TNIK: variants seen among roughly 807,000 people sequenced by gnomAD.
TNIK encodes the protein TRAF2 and NCK interacting kinase.
A neutral mutation model predicts 191.3 loss-of-function variants in TNIK; 49 were observed. The observed-to-expected ratio is 0.26, with a 90% CI of 0.20 to 0.32. The LOEUF (loss-of-function observed/expected upper bound fraction) is 0.32. Among genes scored for constraint, TNIK ranks in the 10% least tolerant of loss-of-function variants. The probability of loss-of-function intolerance (pLI) is 1.00; values close to 1 mark genes in which losing one functional copy is unlikely to be tolerated. For missense variants in TNIK, 1,155 were observed against 1,702.3 expected (o/e 0.68, Z 5.66); for synonymous variants, 594 against 600.9 (o/e 0.99, Z 0.17).
chr3:171,218,519 TG>T (rs1397913285), intron 3 of TNIK, among the ~76,000 whole-genome samples: 2 of 151,234 alleles, frequency 1.3e-5, no homozygotes, highest in African/African-American at 4.9e-5. Context: ...CCACAGGAAT[TG>T]GAATGAGTTT....
chr3:171,079,714 C>A, intron 27 of TNIK, 62 bp from the exon 28 acceptor site: 1 of 1,514,566 alleles, frequency 6.6e-7, no homozygotes, highest in Non-Finnish European at 8.8e-7. Flanking sequence ...TTTCCTTCCC[C>A]ACCTCCATTT....
intron 2 of TNIK, among the ~76,000 whole-genome samples, chr3:171,356,613 C>T (rs1577611582): frequency 2.0e-5 from 3 of 152,274 alleles, no homozygotes; most frequent in Middle Eastern, 3.4e-3. Flanking sequence ...CAGGGCAAAA[C>T]CAATCTTTGC....
intron 2 of TNIK, among the ~76,000 whole-genome samples, chr3:171,343,563 A>G (rs1275815168): frequency 6.6e-6 from 1 of 152,150 alleles, no homozygotes; most frequent in East Asian, 1.9e-4. Context: ...CCTGCTTGCA[A>G]TTCTTTGAAA....
chr3:171,095,305 C>T (rs1459178448), intron 22 of TNIK, among the ~76,000 whole-genome samples: 3 of 152,284 alleles, frequency 2.0e-5, no homozygotes, highest in Non-Finnish European at 2.9e-5. Flanking sequence ...ATTTGCATGA[C>T]ACAGAATTTC....
intron 23 of TNIK, among the ~76,000 whole-genome samples, chr3:171,087,746 A>C (rs1030994616): frequency 2.0e-5 from 3 of 152,252 alleles, no homozygotes; most frequent in Non-Finnish European, 4.4e-5. Flanking sequence ...GACAGTGGTC[A>C]CATATGGCAT....
At position 171,417,468 on chromosome 3, in the gene TNIK, T is replaced by C. The variant is rs566014195; in HGVS notation, c.57+42539A>G. Among the ~76,000 whole-genome samples, 6 of 152,334 alleles carry C rather than the reference T, an allele frequency of 3.9e-5. No individual in the cohort carries two copies. In the South Asian group the frequency reaches 1.0e-3, roughly 26 times the overall value. Reference sequence around the variant, plus strand: ...TAACCCTCTTCAATGAGAACTTTTATAGTTACTTATTTCTTTAGAACTTAT... The same window carrying C: ...TAACCCTCTTCAATGAGAACTTTTACAGTTACTTATTTCTTTAGAACTTAT... On this transcript the variant is annotated intron_variant, in intron 1 of 32. Transcript: ENST00000436636.
At chr3:171,377,193 GCTGGCTA>G (rs1389689853) in intron 1 of TNIK, among the ~76,000 whole-genome samples, 1 of 152,170 alleles carries the variant, frequency 6.6e-6, no homozygotes, top group Non-Finnish European at 1.5e-5. Flanking sequence ...TCAATGATCA[GCTGGCTA>G]CTGGCAGAAC....
chr3:171,392,778 C>CAAAAAAAA (rs60306915), intron 1 of TNIK, among the ~76,000 whole-genome samples: 3 of 95,228 alleles, frequency 3.2e-5, no homozygotes, highest in Non-Finnish European at 6.1e-5. Context: ...GATTCTGTCT[C>CAAAAAAAA]AAAAAAAAAA....
intron 1 of TNIK, among the ~76,000 whole-genome samples, chr3:171,381,074 C>G (rs528824068): frequency 2.6e-5 from 4 of 151,372 alleles, no homozygotes; most frequent in African/African-American, 4.9e-5. Context: ...TTTTTTCAAG[C>G]TTTTATATCT....
intron 1 of TNIK, among the ~76,000 whole-genome samples, chr3:171,401,095 GA>G (rs1221122372): frequency 6.6e-5 from 10 of 152,168 alleles, no homozygotes; most frequent in Non-Finnish European, 1.3e-4. Flanking sequence ...GGAATAATGA[GA>G]GCAGATCTAG....
chr3:171,325,541 T>C (rs1042092575), intron 2 of TNIK, among the ~76,000 whole-genome samples: 3 of 152,168 alleles, frequency 2.0e-5, no homozygotes. Context: ...ATTCAAATGT[T>C]CATTCTTAAT....
chr3:171,107,079 C>T, intron 21 of TNIK, 104 bp downstream of exon 21: 1 of 1,225,696 alleles, frequency 8.2e-7, no homozygotes, highest in South Asian at 1.5e-5. Flanking sequence ...AAATCTCCTC[C>T]CAGCTGATTG....
chr3:171,435,468 A>G (rs1238521881), intron 1 of TNIK, among the ~76,000 whole-genome samples: 1 of 152,240 alleles, frequency 6.6e-6, no homozygotes, highest in Non-Finnish European at 1.5e-5. Flanking sequence ...TGCACCACAG[A>G]GAGTCTCTGG....
chr3:171,264,085 CACACACACACACACACACACACACACAT>C (rs1394113681), intron 2 of TNIK, among the ~76,000 whole-genome samples: 3 of 94,748 alleles, frequency 3.2e-5, no homozygotes, highest in Non-Finnish European at 6.6e-5. Context: ...CACACACACA[CACACACACACACACACACACACACACAT>C]ATATATATAT....
At chr3:171,240,127 C>A (rs1275761510) in intron 2 of TNIK, among the ~76,000 whole-genome samples, 1 of 152,180 alleles carries the variant, frequency 6.6e-6, no homozygotes, top group Non-Finnish European at 1.5e-5. Flanking sequence ...TTTTCCCTGA[C>A]TCCAGTGAAA....
At chr3:171,270,876 A>G (rs1749010640) in intron 2 of TNIK, among the ~76,000 whole-genome samples, 1 of 152,224 alleles carries the variant, frequency 6.6e-6, no homozygotes, top group Non-Finnish European at 1.5e-5. Flanking sequence ...AGTGATTACA[A>G]CAGAGTCTGG....
At chr3:171,278,461 T>C (rs1461497468) in intron 2 of TNIK, among the ~76,000 whole-genome samples, 3 of 152,154 alleles carry the variant, frequency 2.0e-5, no homozygotes, top group Non-Finnish European at 2.9e-5. Context: ...AAAGATATCC[T>C]ATAGATACTT....
At chr3:171,151,050 G>A (rs1025677897) in intron 12 of TNIK, among the ~76,000 whole-genome samples, 2 of 152,206 alleles carry the variant, frequency 1.3e-5, no homozygotes, top group African/African-American at 4.8e-5. Flanking sequence ...TAGGCATTGT[G>A]CCAAGTCCTC....
chr3:171,141,666 CAAGG>C (rs1730857106), intron 12 of TNIK, among the ~76,000 whole-genome samples: 1 of 151,964 alleles, frequency 6.6e-6, no homozygotes, highest in Non-Finnish European at 1.5e-5. Flanking sequence ...ACATCCTGTG[CAAGG>C]CACAGGATTG....
Sources: gnomAD v4.1 joint callset for allele counts (sites outside exome capture counted in the v4.1 genomes callset) on GRCh38, gnomAD v4.1.1 for gene constraint, MANE v1.5 for transcripts, NCBI Gene and HGNC (gene_info 2026-07-23, HGNC 2026-07-21) for gene names.